Variants in PHIP observed in about 807,000 individuals in gnomAD.
PHIP encodes the protein PHIP subunit of CUL4-Ring ligase complex.
In PHIP, 54 loss-of-function variants were observed where a neutral mutation model predicts 236.8. The ratio of observed to expected loss-of-function variants is 0.23; its 90% CI spans 0.18 to 0.29. PHIP has a LOEUF of 0.29. PHIP is among the 10% of genes least tolerant of loss of function. PHIP has a pLI of 1.00. For synonymous variants in PHIP, 756 were observed against 718.9 expected (o/e 1.05, Z -0.83); for missense variants, 1,370 against 2,190.8 (o/e 0.63, Z 7.48).
intron 7 of PHIP, 80 bp downstream of exon 7, chr6:79,042,763 G>T: frequency 9.4e-7 from 1 of 1,060,350 alleles, no homozygotes; most frequent in Non-Finnish European, 1.3e-6. Context: ...AAAAAGCAAG[G>T]TTTTACTTCA....
chr6:78,942,793 C>A (rs1016039681), intron 39 of PHIP, among the ~76,000 whole-genome samples: 2 of 152,146 alleles, frequency 1.3e-5, no homozygotes, highest in African/African-American at 4.8e-5. Context: ...CTACATGAAT[C>A]CCTTGTAATG....
At chr6:78,977,022 C>A (rs1405519397) in intron 24 of PHIP, among the ~76,000 whole-genome samples, 3 of 107,760 alleles carry the variant, frequency 2.8e-5, no homozygotes, top group Admixed American at 2.0e-4. Flanking sequence ...CATCCCATTA[C>A]TGGGTATATA....
chr6:79,073,342 T>C (rs903604505), intron 4 of PHIP, among the ~76,000 whole-genome samples: 2 of 152,178 alleles, frequency 1.3e-5, no homozygotes, highest in African/African-American at 4.8e-5. Flanking sequence ...TTATTCATCA[T>C]TATAACGACC....
In PHIP at chr6:78,937,345, T is replaced by G. The variant is rs1773312485; in HGVS notation, c.*3348A>C. The G allele has an allele frequency of 6.6e-6, 1 of 151,714 alleles. No individual in the cohort carries two copies. The highest frequency in any genetic ancestry group is 2.4e-5 in the African/African-American group (1 of 41,410). The allele number at this position is 151,714 out of a possible 1,614,324, so 9.4% of individuals were successfully genotyped here. A position where few individuals can be genotyped will look rare whatever the true frequency, so the allele number is the denominator to read the frequency against. The stretch of plus-strand genomic sequence containing the variant: ...ATTAATTTATATTACAAATCATATC[T>G]GAAAACATGTAAATGCTGCTAACAT... On this transcript the variant is annotated 3_prime_UTR_variant, in exon 40 of 40. Coordinates refer to ENST00000275034, the MANE Select transcript of PHIP (RefSeq NM_017934.7).
chr6:79,062,741 G>C (rs968570468), intron 4 of PHIP, among the ~76,000 whole-genome samples: 1 of 152,164 alleles, frequency 6.6e-6, no homozygotes, highest in South Asian at 2.1e-4. Flanking sequence ...TCATTTTAAA[G>C]TTAGAAGAGA....
rs1338333148 is a variant in PHIP, at chr6:78,946,733, C to T, written c.4348G>A (p.Val1450Ile). The T allele has an allele frequency of 6.3e-7, 1 of 1,580,726 alleles. No individual in the cohort carries two copies. Among genetic ancestry groups the T allele is most frequent in the Non-Finnish European group, 8.6e-7 (1 of 1,169,416 alleles). ...RRKKRNRSSS[V>I]SSSAASSPER... ...TACCTTGATGCAGCACTACTGGAAA[C>T]AGAGCTGCTTCTGTTTCTTTTCTTC... The change falls in exon 37 of 40, where the codon GTT becomes ATT. Residue 1450 changes from valine (V) to isoleucine (I), a missense_variant. Val to Ile is a conservative substitution (Grantham distance 29). Around this residue, in one of 14 missense-constraint regions of PHIP, gnomAD observed 125 missense variants for 235.1 expected, o/e 0.53. Coordinates refer to ENST00000275034, the MANE Select transcript of PHIP (RefSeq NM_017934.7).
At chr6:79,030,823 C>T (rs937225674) in intron 7 of PHIP, among the ~76,000 whole-genome samples, 1 of 152,064 alleles carries the variant, frequency 6.6e-6, no homozygotes. Flanking sequence ...GGGGTGGGTA[C>T]AAAATTTAAA....
intron 4 of PHIP, chr6:79,067,805 T>C (rs573365131): frequency 6.5e-6 from 1 of 153,350 alleles, no homozygotes; most frequent in East Asian, 1.9e-4. Flanking sequence ...TAAATCTGTA[T>C]CATCCCTTTT....
intron 19 of PHIP, among the ~76,000 whole-genome samples, chr6:78,995,420 T>C (rs538276302): frequency 1.2e-4 from 18 of 152,332 alleles, no homozygotes; most frequent in Non-Finnish European, 1.9e-4. Flanking sequence ...CAGTTCCATG[T>C]TTAGGATTTT....
intron 15 of PHIP, 89 bp from the exon 16 acceptor site, chr6:79,003,947 A>G: frequency 1.3e-6 from 1 of 782,948 alleles, no homozygotes; most frequent in Non-Finnish European, 2.0e-6. Context: ...AGATAAAAGC[A>G]TACATCCTAA....
At chr6:78,974,472 A>G (rs1423569031) in intron 24 of PHIP, among the ~76,000 whole-genome samples, 6 of 151,676 alleles carry the variant, frequency 4.0e-5, no homozygotes, top group Non-Finnish European at 7.4e-5. Flanking sequence ...AAGAACTAGA[A>G]AAGCAAGAGC....
intron 15 of PHIP, among the ~76,000 whole-genome samples, chr6:79,010,913 T>C (rs1562176914): frequency 6.6e-6 from 1 of 151,934 alleles, no homozygotes; most frequent in Non-Finnish European, 1.5e-5. Context: ...TAAAAGACCA[T>C]AAAACAATTT....
chr6:79,043,668 C>A (rs1402094231), intron 6 of PHIP, among the ~76,000 whole-genome samples: 2 of 152,026 alleles, frequency 1.3e-5, no homozygotes, highest in East Asian at 3.9e-4. Flanking sequence ...TGTCCCAAAG[C>A]TTGATACATT....
At chr6:79,053,178 G>C (rs1385879794) in intron 6 of PHIP, among the ~76,000 whole-genome samples, 2 of 152,146 alleles carry the variant, frequency 1.3e-5, no homozygotes, top group Non-Finnish European at 2.9e-5. Flanking sequence ...GCCGGGTGTG[G>C]TGGTGCATGC....
chr6:79,030,572 C>G (rs1771618026), intron 7 of PHIP, among the ~76,000 whole-genome samples: 1 of 152,144 alleles, frequency 6.6e-6, no homozygotes, highest in Non-Finnish European at 1.5e-5. Flanking sequence ...GAGGTAGTCA[C>G]TAGACAATTT....
rs111504814 is a variant in PHIP at position 79,076,216 on chromosome 6, C to A, written c.189+1232G>T. 5.0e-3 allele frequency among the ~76,000 whole-genome samples: 756 copies of A among 152,268 alleles called. 23 individuals carry two copies. Among genetic ancestry groups the A allele is most frequent in the Admixed American group, 0.041 (633 of 15,304 alleles). On this transcript the variant is annotated intron_variant, in intron 4 of 39. Coordinates refer to ENST00000275034, the MANE Select transcript of PHIP (RefSeq NM_017934.7). Reference sequence around the variant, plus strand: ...CAAAAGTTAGGAAATACACTACATACCAAAAAAAGCGCCATTATAATCATG... The same window carrying A: ...CAAAAGTTAGGAAATACACTACATAACAAAAAAAGCGCCATTATAATCATG...
At chr6:78,961,610 G>T in intron 31 of PHIP, 80 bp downstream of exon 31, 1 of 1,438,926 alleles carries the variant, frequency 6.9e-7, no homozygotes, top group South Asian at 1.2e-5. Context: ...AAAAAGTTGA[G>T]AAACACTGCT....
rs142020210 is a variant in PHIP at position 78,934,572 on chromosome 6, G to A, written c.*6121C>T. Among the ~76,000 whole-genome samples the A allele has an allele frequency of 6.6e-6, 1 of 152,118 alleles. No individual in the cohort carries two copies. Among genetic ancestry groups the A allele is most frequent in the Non-Finnish European group, 1.5e-5 (1 of 68,016 alleles). ...ACTTAACAACAATCAGGTCATGGCCGCAAGACACAGCTTGTCTGGAAGCTA... is the reference window on the plus strand; with the variant it reads ...ACTTAACAACAATCAGGTCATGGCCACAAGACACAGCTTGTCTGGAAGCTA... On this transcript the variant is annotated 3_prime_UTR_variant, in exon 40 of 40. Coordinates refer to ENST00000275034, the MANE Select transcript of PHIP (RefSeq NM_017934.7).
intron 24 of PHIP, among the ~76,000 whole-genome samples, chr6:78,977,219 C>T (rs1768156695): frequency 6.6e-6 from 1 of 150,866 alleles, no homozygotes; most frequent in African/African-American, 2.4e-5. Context: ...AGTTCATGTC[C>T]TTTGTAGGGA....
Sources: allele counts gnomAD v4.1 joint callset (sites outside exome capture counted in the v4.1 genomes callset), GRCh38; gene constraint gnomAD v4.1.1; regional missense constraint gnomAD v4.1.1; transcripts MANE v1.5; gene names NCBI Gene and HGNC (gene_info 2026-07-23, HGNC 2026-07-21).